Variants in SLC31A1 observed in about 807,000 individuals in gnomAD.
SLC31A1 encodes the protein high affinity copper uptake protein 1.
SLC31A1 carries 5 observed loss-of-function variants against 17.2 expected under a neutral mutation model. That is an observed-to-expected ratio of 0.29 (90% CI 0.15 to 0.61). The LOEUF is 0.61. Ranked by LOEUF, SLC31A1 falls within the 20% of genes least tolerant of loss-of-function variation. The probability of loss-of-function intolerance (pLI) is 0.86; values close to 1 mark genes in which losing one functional copy is unlikely to be tolerated. For missense variants in SLC31A1, 161 were observed against 241.4 expected, an observed-to-expected ratio of 0.67 and a Z score of 2.21; for synonymous variants, 76 against 78.8, an observed-to-expected ratio of 0.96 and a Z score of 0.19.
chr9:113,238,470 T>C (rs1414218366), intron 1 of SLC31A1, among the ~76,000 whole-genome samples: 1 of 152,176 alleles, frequency 6.6e-6, no homozygotes, highest in African/African-American at 2.4e-5. Flanking sequence ...CATTAAAATC[T>C]GGATTTTAAG....
intron 1 of SLC31A1, among the ~76,000 whole-genome samples, chr9:113,224,429 CT>C (rs200703569): frequency 0.083 from 11,659 of 141,068 alleles, 516 homozygotes; most frequent in South Asian, 0.14. Flanking sequence ...TGTATGCTCA[CT>C]TTTTTTTTTT....
chr9:113,243,705 G>A (rs1302398900), intron 1 of SLC31A1, among the ~76,000 whole-genome samples: 2 of 152,096 alleles, frequency 1.3e-5, no homozygotes, highest in East Asian at 1.9e-4. Context: ...GCTTTTTCCT[G>A]TCTTGTTCTG....
chr9:113,223,731 A>G (rs1831312725), intron 1 of SLC31A1, among the ~76,000 whole-genome samples: 1 of 152,202 alleles, frequency 6.6e-6, no homozygotes, highest in African/African-American at 2.4e-5. Flanking sequence ...TTTTCAAATT[A>G]TCAGCAATTT....
intron 2 of SLC31A1, 32 bp from the exon 3 acceptor site, chr9:113,257,081 T>A: frequency 6.4e-7 from 1 of 1,568,764 alleles, no homozygotes; most frequent in Middle Eastern, 1.7e-4. Flanking sequence ...TTTTCATTCA[T>A]CTCTAACTGA....
intron 1 of SLC31A1, among the ~76,000 whole-genome samples, chr9:113,238,588 C>T (rs1029382171): frequency 3.3e-5 from 5 of 152,116 alleles, no homozygotes; most frequent in African/African-American, 1.2e-4. Flanking sequence ...ATGATGAAAC[C>T]CTGTTTCTAC....
intron 1 of SLC31A1, among the ~76,000 whole-genome samples, chr9:113,234,093 C>T (rs1831428135): frequency 6.6e-6 from 1 of 152,218 alleles, no homozygotes; most frequent in African/African-American, 2.4e-5. Flanking sequence ...CACACATATA[C>T]ACCCTTCCCA....
At chr9:113,252,946 C>CTTTTTTTTTTTTTTT (rs1282361795) in intron 1 of SLC31A1, among the ~76,000 whole-genome samples, 1 of 113,708 alleles carries the variant, frequency 8.8e-6, no homozygotes, top group Admixed American at 9.1e-5. Flanking sequence ...CTTTTCTTTT[C>CTTTTTTTTTTTTTTT]TTTTTTTCTT....
At chr9:113,253,197 C>T (rs1236973499) in intron 1 of SLC31A1, among the ~76,000 whole-genome samples, 2 of 152,064 alleles carry the variant, frequency 1.3e-5, no homozygotes, top group East Asian at 1.9e-4. Context: ...CCTCGTGATC[C>T]GCCTGCCTCG....
chr9:113,230,938 A>G (rs946707520), intron 1 of SLC31A1, among the ~76,000 whole-genome samples: 1 of 152,090 alleles, frequency 6.6e-6, no homozygotes, highest in Non-Finnish European at 1.5e-5. Context: ...TTCAATAGCA[A>G]GTTTAAGCCA....
At chr9:113,239,771 ATGGGGTTTCACCCCGT>A in intron 1 of SLC31A1, among the ~76,000 whole-genome samples, 1 of 152,352 alleles carries the variant, frequency 6.6e-6, no homozygotes, top group East Asian at 1.9e-4. Flanking sequence ...TTTAGTAGAG[ATGGGGTTTCACCCCGT>A]TGGCCAGTCT....
rs544237465 is a variant in SLC31A1 at position 113,240,856 on chromosome 9, C to T, written c.-35-15258C>T. Among the ~76,000 whole-genome samples, 513 of 152,086 alleles carry T rather than the reference C, an allele frequency of 3.4e-3. 4 individuals are homozygous for T. Among genetic ancestry groups the T allele is most frequent in the Non-Finnish European group, 5.7e-3 (388 of 67,998 alleles). ...CTTGAGGTCAGGAGTTTGAGACCAG[C>T]CTGGCCAACATGGTGAAACCCCATC... On this transcript the variant is annotated intron_variant, in intron 1 of 4. Coordinates refer to ENST00000374212, the MANE Select transcript of SLC31A1 (RefSeq NM_001859.4).
intron 1 of SLC31A1, among the ~76,000 whole-genome samples, chr9:113,238,498 A>G (rs892555469): frequency 2.6e-5 from 4 of 152,206 alleles, no homozygotes; most frequent in Non-Finnish European, 4.4e-5. Flanking sequence ...GCGGTGGTTC[A>G]CACCTTAAAT....
intron 1 of SLC31A1, among the ~76,000 whole-genome samples, chr9:113,222,924 C>T (rs1256723904): frequency 6.6e-6 from 1 of 152,184 alleles, no homozygotes; most frequent in Admixed American, 6.5e-5. Context: ...AAATGTTTAA[C>T]AGAAAGAGCT....
chr9:113,257,500 T>TG (rs1491066503), intron 3 of SLC31A1, among the ~76,000 whole-genome samples: 1 of 124,022 alleles, frequency 8.1e-6, no homozygotes, highest in Admixed American at 8.2e-5. Flanking sequence ...TTTTTTTTTT[T>TG]TGAGACGGAG....
At chr9:113,229,734 CTT>C (rs1831382306) in intron 1 of SLC31A1, among the ~76,000 whole-genome samples, 1 of 152,132 alleles carries the variant, frequency 6.6e-6, no homozygotes, top group Non-Finnish European at 1.5e-5. Context: ...TTCTATGAGA[CTT>C]TAACTGAAAA....
chr9:113,261,872 G>GGT lies in SLC31A1; in HGVS notation c.*1404_*1405dup, dbSNP rs774244557. 2 of 152,598 alleles carry GGT rather than the reference G, an allele frequency of 1.3e-5. No homozygotes were observed. Among genetic ancestry groups the GGT allele is most frequent in the Admixed American group, 6.5e-5 (1 of 15,276 alleles). The allele number at this position is 152,598 out of a possible 1,614,324, so 9.5% of individuals were successfully genotyped here. A position where few individuals can be genotyped will look rare whatever the true frequency, so the allele number is the denominator to read the frequency against. ...AAATTTGAATTGCTGATTGGTAGATGGTGTGTCTGGACTTAACTCACGTAG... is the reference window on the plus strand; with the variant it reads ...AAATTTGAATTGCTGATTGGTAGATGGTGTGTGTCTGGACTTAACTCACGTAG... On this transcript the variant is annotated 3_prime_UTR_variant, in exon 5 of 5. Transcript: ENST00000374212.
chr9:113,253,739 A>T (rs1453426997), intron 1 of SLC31A1, among the ~76,000 whole-genome samples: 1 of 151,378 alleles, frequency 6.6e-6, no homozygotes, highest in African/African-American at 2.4e-5. Context: ...TTTTTAGTAA[A>T]GACGGGGTTT....
At chr9:113,245,846 CG>C (rs1564212747) in intron 1 of SLC31A1, among the ~76,000 whole-genome samples, 1 of 152,012 alleles carries the variant, frequency 6.6e-6, no homozygotes, top group African/African-American at 2.4e-5. Context: ...GTTGCCCAGG[CG>C]GGTCTGAAAC....
intron 1 of SLC31A1, among the ~76,000 whole-genome samples, chr9:113,251,765 T>C (rs937172817): frequency 2.0e-5 from 3 of 152,244 alleles, no homozygotes; most frequent in Non-Finnish European, 4.4e-5. Context: ...ACTTTTTTGA[T>C]GTAATTTAGC....
Sources: allele counts gnomAD v4.1 joint callset (sites outside exome capture counted in the v4.1 genomes callset), GRCh38; gene constraint gnomAD v4.1.1; transcripts MANE v1.5; gene names NCBI Gene and HGNC (gene_info 2026-07-23, HGNC 2026-07-21).